The following GPC6 variants were observed in gnomAD, a reference collection of about 807,000 sequenced individuals.
GPC6 encodes glypican 6.
In GPC6, 14 loss-of-function variants were observed where a neutral mutation model predicts 55.2. The ratio of observed to expected loss-of-function variants is 0.25; its 90% confidence interval spans 0.17 to 0.40. The LOEUF (loss-of-function observed/expected upper bound fraction) is 0.40. Among genes scored for constraint, GPC6 ranks in the 10% least tolerant of loss-of-function variants. The pLI is 1.00. For missense variants in GPC6, 641 were observed against 708.5 expected (o/e 0.90, Z 1.08); for synonymous variants, 278 against 259.6 (o/e 1.07, Z -0.68).
intron 1 of GPC6, among the ~76,000 whole-genome samples, chr13:93,364,749 T>C (rs1881180941): frequency 6.6e-6 from 1 of 151,508 alleles, no homozygotes; most frequent in South Asian, 2.1e-4. Context: ...ATGTATTTTA[T>C]ATATATGTAT....
intron 4 of GPC6, among the ~76,000 whole-genome samples, chr13:94,050,012 A>G (rs1883885018): frequency 6.6e-6 from 1 of 152,076 alleles, no homozygotes; most frequent in African/African-American, 2.4e-5. Context: ...GCTGCCATGT[A>G]AGATGTGCCT....
At chr13:94,271,549 G>T (rs1462254438) in intron 4 of GPC6, among the ~76,000 whole-genome samples, 2 of 152,102 alleles carry the variant, frequency 1.3e-5, no homozygotes, top group Admixed American at 1.3e-4. Context: ...CCTTGGGCAA[G>T]TTATTTCCCT....
At chr13:93,350,884 C>T (rs529624659) in intron 1 of GPC6, among the ~76,000 whole-genome samples, 144 of 152,144 alleles carry the variant, frequency 9.5e-4, no homozygotes, top group African/African-American at 3.4e-3. Context: ...TTTATATATT[C>T]TTTTCTTTTT....
intron 2 of GPC6, among the ~76,000 whole-genome samples, chr13:93,802,614 A>G (rs1177360105): frequency 6.6e-6 from 1 of 152,008 alleles, no homozygotes; most frequent in Non-Finnish European, 1.5e-5. Context: ...TACATTGCCC[A>G]AGTTGGTCTT....
intron 1 of GPC6, among the ~76,000 whole-genome samples, chr13:93,379,942 A>G (rs1294738333): frequency 7.3e-6 from 1 of 137,784 alleles, no homozygotes; most frequent in African/African-American, 2.6e-5. Flanking sequence ...ATAGTTGAAC[A>G]GCTTAAATTC....
intron 4 of GPC6, among the ~76,000 whole-genome samples, chr13:94,252,036 C>T (rs1891365985): frequency 6.6e-6 from 1 of 152,090 alleles, no homozygotes; most frequent in African/African-American, 2.4e-5. Context: ...CCGATGTTCT[C>T]CTGGCACCGC....
At chr13:93,321,164 G>A (rs573357330) in intron 1 of GPC6, among the ~76,000 whole-genome samples, 2 of 151,966 alleles carry the variant, frequency 1.3e-5, no homozygotes, top group Non-Finnish European at 2.9e-5. Flanking sequence ...CCATTCTCTC[G>A]CTTACTCAGA....
At chr13:93,307,072 C>T (rs1391121701) in intron 1 of GPC6, among the ~76,000 whole-genome samples, 1 of 151,934 alleles carries the variant, frequency 6.6e-6, no homozygotes, top group African/African-American at 2.4e-5. Flanking sequence ...AAAATATTGC[C>T]AGTGAAAGAG....
intron 1 of GPC6, among the ~76,000 whole-genome samples, chr13:93,277,980 A>G (rs1877814529): frequency 1.3e-5 from 2 of 152,290 alleles, no homozygotes; most frequent in African/African-American, 4.8e-5. Context: ...ATCCCAGTGA[A>G]TTAAATATCT....
chr13:94,374,686 GA>G, intron 6 of GPC6, among the ~76,000 whole-genome samples: 1 of 151,254 alleles, frequency 6.6e-6, no homozygotes, highest in Non-Finnish European at 1.5e-5. Flanking sequence ...CCCAGGAATT[GA>G]ACTCAGCTCT....
intron 1 of GPC6, among the ~76,000 whole-genome samples, chr13:93,344,667 T>C (rs1358726638): frequency 6.6e-6 from 1 of 152,178 alleles, no homozygotes; most frequent in Non-Finnish European, 1.5e-5. Flanking sequence ...CAATAATTGC[T>C]TTGACTGTAA....
chr13:93,475,159 T>TAC (rs35324469), intron 1 of GPC6, among the ~76,000 whole-genome samples: 51,094 of 149,508 alleles, frequency 0.34, 8,802 homozygotes, highest in South Asian at 0.41. Context: ...AATAAATAAA[T>TAC]ACACACACAC....
intron 2 of GPC6, among the ~76,000 whole-genome samples, chr13:93,701,355 A>G (rs1303789789): frequency 6.6e-6 from 1 of 152,054 alleles, no homozygotes; most frequent in Non-Finnish European, 1.5e-5. Context: ...GTGTAATAGC[A>G]TTATGGATTA....
intron 2 of GPC6, among the ~76,000 whole-genome samples, chr13:93,800,469 A>G (rs769655928): frequency 2.0e-5 from 3 of 152,176 alleles, no homozygotes; most frequent in African/African-American, 4.8e-5. Flanking sequence ...AGACTTCACT[A>G]TGATCTCTAT....
At chr13:94,171,010 A>G (rs916682215) in intron 4 of GPC6, among the ~76,000 whole-genome samples, 1 of 152,168 alleles carries the variant, frequency 6.6e-6, no homozygotes, top group Non-Finnish European at 1.5e-5. Context: ...TTATTTGTGT[A>G]GTCCCTGTGA....
chr13:93,376,192 G>A (rs1874890236), intron 1 of GPC6, among the ~76,000 whole-genome samples: 2 of 151,768 alleles, frequency 1.3e-5, no homozygotes, highest in African/African-American at 2.4e-5. Flanking sequence ...ACCCCTTCAT[G>A]GAATATCAGT....
intron 2 of GPC6, among the ~76,000 whole-genome samples, chr13:93,751,430 A>T (rs1022807461): frequency 6.6e-6 from 1 of 151,892 alleles, no homozygotes; most frequent in African/African-American, 2.4e-5. Context: ...CAAGGTTTTC[A>T]GAAAAAAGAA....
Position 93,439,676 on chromosome 13 carries a change from TAAAATAAAATAAATAAAA to T in GPC6, c.161-105573_161-105556del, listed in dbSNP as rs1383076580. On this transcript the variant is annotated intron_variant, in intron 1 of 8. Coordinates refer to ENST00000377047, the MANE Select transcript of GPC6 (RefSeq NM_005708.5). ...AAACTACATCTCAAATAAAATAAAA[TAAAATAAAATAAATAAAA>T]AAAATAAAATAAAATAAAATAAAAT... Among the ~76,000 whole-genome samples, 34 of 135,924 alleles carry T rather than the reference TAAAATAAAATAAATAAAA, an allele frequency of 2.5e-4. No homozygotes were observed. In the East Asian group the frequency reaches 7.1e-3, roughly 28 times the overall value. 89.2% of individuals were successfully genotyped at this position (135,924 alleles called of 152,430 possible).
intron 2 of GPC6, among the ~76,000 whole-genome samples, chr13:93,678,268 T>C (rs1881721852): frequency 6.6e-6 from 1 of 152,206 alleles, no homozygotes; most frequent in Admixed American, 6.5e-5. Context: ...AGCCTACTTA[T>C]GCTTGTTTAT....
Sources: allele counts gnomAD v4.1 joint callset (sites outside exome capture counted in the v4.1 genomes callset), GRCh38; gene constraint gnomAD v4.1.1; transcripts MANE v1.5; gene names NCBI Gene and HGNC (gene_info 2026-07-23, HGNC 2026-07-21).